Variants in TNKS2 observed in about 807,000 individuals in gnomAD.
TNKS2 encodes tankyrase 2, also known as poly [ADP-ribose] polymerase tankyrase-2.
TNKS2 carries 72 observed loss-of-function variants against 137.6 expected under a neutral mutation model. That is an observed-to-expected ratio of 0.52 (90% CI 0.43 to 0.64). TNKS2 has a LOEUF of 0.64. Among genes scored for constraint, TNKS2 ranks in the 30% least tolerant of loss-of-function variants. The pLI, the probability that TNKS2 is intolerant of heterozygous loss-of-function variation, is 0.00. For synonymous variants in TNKS2, 516 were observed against 512.1 expected (o/e 1.01, Z -0.10); for missense variants, 1,049 against 1,410.2 (o/e 0.74, Z 4.10).
At chr10:91,804,915 C>T (rs1034563020) in intron 1 of TNKS2, among the ~76,000 whole-genome samples, 6 of 152,078 alleles carry the variant, frequency 3.9e-5, no homozygotes, top group African/African-American at 1.4e-4. Flanking sequence ...AGGTATGTAC[C>T]ACCACGCCTG....
In TNKS2 at chr10:91,855,673, A is replaced by T; in HGVS notation, c.2973A>T (p.Arg991Ser). The change falls in exon 23 of 27, where the codon AGA becomes AGT. Residue 991 changes from arginine (R) to serine (S), a missense_variant. Arg to Ser is a moderately radical substitution (Grantham distance 110). Coordinates refer to ENST00000371627, the MANE Select transcript of TNKS2 (RefSeq NM_025235.4). The part of the protein sequence containing the change: ...DGGHAGGIFN[R>S]YNILKIQKVC... ...GTCATGCAGGTGGAATCTTCAACAG[A>T]TACAATATTCTCAAGGTAATAAATT... The T allele has an allele frequency of 1.2e-6, 2 of 1,611,898 alleles. No individual in the cohort carries two copies. The highest frequency in any genetic ancestry group is 8.5e-7 in the Non-Finnish European group (1 of 1,178,716).
intron 7 of TNKS2, among the ~76,000 whole-genome samples, chr10:91,825,617 T>C (rs901664654): frequency 6.6e-6 from 1 of 152,234 alleles, no homozygotes; most frequent in Non-Finnish European, 1.5e-5. Context: ...TAAAAAGCCA[T>C]GTTACTGCAA....
chr10:91,823,203 G>A (rs1405871517), intron 7 of TNKS2, among the ~76,000 whole-genome samples: 4 of 151,924 alleles, frequency 2.6e-5, no homozygotes, highest in South Asian at 2.1e-4. Flanking sequence ...GTTGTACTTC[G>A]AGTTGGAGCT....
At chr10:91,806,898 G>C (rs1044209654) in intron 1 of TNKS2, among the ~76,000 whole-genome samples, 9 of 152,194 alleles carry the variant, frequency 5.9e-5, no homozygotes, top group Middle Eastern at 3.2e-3. Context: ...AAATTTGCCA[G>C]AGAAACAATT....
At chr10:91,800,696 G>A (rs1844138473) in intron 1 of TNKS2, among the ~76,000 whole-genome samples, 1 of 152,166 alleles carries the variant, frequency 6.6e-6, no homozygotes, top group Non-Finnish European at 1.5e-5. Context: ...TAAAAAGGGA[G>A]TAATAAAAAT....
In TNKS2 at chr10:91,863,597, T is replaced by TTATC. The variant is rs1274896479; in HGVS notation, c.*599_*602dup. On this transcript the variant is annotated 3_prime_UTR_variant, in exon 27 of 27. Coordinates refer to ENST00000371627, the MANE Select transcript of TNKS2 (RefSeq NM_025235.4). ...CAGTTGTTAGTTGGGAAAGATTGAG[T>TTATC]TATCAGATTTAATTTGCCGATGGGA... 1 of 152,264 alleles carries TTATC rather than the reference T, an allele frequency of 6.6e-6. No homozygotes were observed. The highest frequency in any genetic ancestry group is 1.5e-5 in the Non-Finnish European group (1 of 68,040). The allele number at this position is 152,264 out of a possible 1,614,324, so 9.4% of individuals were successfully genotyped here. A position where few individuals can be genotyped will look rare whatever the true frequency, so the allele number is the denominator to read the frequency against.
At chr10:91,855,298 T>A (rs746982088) in intron 22 of TNKS2, among the ~76,000 whole-genome samples, 172 bp downstream of exon 22, 11 of 152,228 alleles carry the variant, frequency 7.2e-5, no homozygotes, top group Non-Finnish European at 1.5e-4. Flanking sequence ...AAAATATTAC[T>A]CATGAATTTA....
At chr10:91,825,831 C>T (rs558482515) in intron 7 of TNKS2, among the ~76,000 whole-genome samples, 5 of 152,342 alleles carry the variant, frequency 3.3e-5, no homozygotes, top group East Asian at 1.9e-4. Context: ...GCAACTGGAA[C>T]TCAAACGTTG....
intron 7 of TNKS2, among the ~76,000 whole-genome samples, chr10:91,826,409 A>T (rs1564613894): frequency 1.3e-5 from 2 of 152,218 alleles, no homozygotes; most frequent in Non-Finnish European, 2.9e-5. Flanking sequence ...ATATATGTAT[A>T]CTGTGAAATA....
At chr10:91,821,302 G>T (rs996613280) in intron 6 of TNKS2, among the ~76,000 whole-genome samples, 1 of 152,072 alleles carries the variant, frequency 6.6e-6, no homozygotes, top group Admixed American at 6.6e-5. Flanking sequence ...AAAGTGCTCA[G>T]ATTACAGGCA....
intron 6 of TNKS2, among the ~76,000 whole-genome samples, chr10:91,820,557 A>G (rs1342398491): frequency 2.0e-5 from 3 of 152,234 alleles, no homozygotes. Context: ...AGACAAATGA[A>G]GTTTAGGATT....
intron 24 of TNKS2, among the ~76,000 whole-genome samples, chr10:91,859,251 A>G (rs558044623): frequency 1.3e-5 from 2 of 152,330 alleles, no homozygotes; most frequent in South Asian, 2.1e-4. Context: ...ATTTTAGCAC[A>G]TAAACCAGCA....
rs1845002987 is a variant in TNKS2, at chr10:91,824,444, C to T, written c.795+2082C>T. Among the ~76,000 whole-genome samples the T allele has an allele frequency of 2.0e-5, 3 of 152,180 alleles. No individual in the cohort carries two copies. The South Asian group carries it at 6.2e-4, about 31-fold the overall frequency. ...AACAGGGAATTCTCTTAACATTCTTCCTCATAATCTCTGAATACTAGGAAG... is the reference window on the plus strand; with the variant it reads ...AACAGGGAATTCTCTTAACATTCTTTCTCATAATCTCTGAATACTAGGAAG... On this transcript the variant is annotated intron_variant, in intron 7 of 26. Transcript: ENST00000371627.
chr10:91,859,354 T>C (rs1472091727), intron 24 of TNKS2, 108 bp from the exon 25 acceptor site: 4 of 920,260 alleles, frequency 4.3e-6, no homozygotes, highest in Non-Finnish European at 4.5e-6. Flanking sequence ...TTTGGCTTTA[T>C]TATGGTTGGG....
Position 91,798,550 on chromosome 10 carries a change from C to A in TNKS2, c.-141C>A. 9.7e-7 allele frequency: 1 copy of A among 1,027,460 alleles called. No individual in the cohort carries two copies. The highest frequency in any genetic ancestry group is 1.2e-6 in the Non-Finnish European group (1 of 813,726). 63.6% of individuals were successfully genotyped at this position (1,027,460 alleles called of 1,614,324 possible). A position where few individuals can be genotyped will look rare whatever the true frequency, so the allele number is the denominator to read the frequency against. On this transcript the variant is annotated 5_prime_UTR_variant, in exon 1 of 27. Transcript: ENST00000371627. ...GCGTGGGCGCGGCCATGGGACTGCG[C>A]CGGATCCGGTGACAGCAGGGAGCCA... is the stretch of plus-strand genomic sequence containing the variant.
intron 3 of TNKS2, 31 bp from the exon 4 acceptor site, chr10:91,819,237 ATT>A (rs1844805940): frequency 1.5e-5 from 19 of 1,268,570 alleles, no homozygotes; most frequent in Non-Finnish European, 2.0e-5. Context: ...TTTCTTTTTA[ATT>A]TCTATACTTT....
chr10:91,823,320 G>GTT (rs3043666), intron 7 of TNKS2, among the ~76,000 whole-genome samples: 586 of 113,476 alleles, frequency 5.2e-3, no homozygotes, highest in Non-Finnish European at 8.1e-3. Flanking sequence ...TGGTTTTTTG[G>GTT]TTTTTTTTTT....
chr10:91,857,332 C>A, intron 23 of TNKS2, 93 bp from the exon 24 acceptor site: 1 of 710,426 alleles, frequency 1.4e-6, no homozygotes, highest in Non-Finnish European at 2.2e-6. Flanking sequence ...TTTTGCCTAC[C>A]TTCTAGCTAA....
rs543109558 is a variant in TNKS2, at chr10:91,820,002, C to T, written c.697C>T (p.His233Tyr). The T allele has an allele frequency of 6.3e-7, 1 of 1,594,308 alleles. No homozygotes were observed. Among genetic ancestry groups the T allele is most frequent in the East Asian group, 2.3e-5 (1 of 43,954 alleles). The change falls in exon 6 of 27, where the codon CAT (histidine) becomes TAT (tyrosine). Residue 233 changes from histidine to tyrosine, a missense_variant. Around this residue, in one of 6 missense-constraint regions of TNKS2, gnomAD observed 374 missense variants for 460.8 expected, o/e 0.81. Transcript: ENST00000371627. ...AAAGATTGTACAGCTGTTACTGCAA[C>T]ATGGAGCTGATGTCCATGCTAAAGA... ...RVKIVQLLLQ[H>Y]GADVHAKDKG...
Sources: allele counts gnomAD v4.1 joint callset (sites outside exome capture counted in the v4.1 genomes callset), GRCh38; gene constraint gnomAD v4.1.1; regional missense constraint gnomAD v4.1.1; transcripts MANE v1.5; gene names NCBI Gene and HGNC (gene_info 2026-07-23, HGNC 2026-07-21).